Variants in ALDH6A1 observed in about 807,000 individuals in gnomAD.
ALDH6A1 encodes methylmalonate-semialdehyde/malonate-semialdehyde dehydrogenase [acylating], mitochondrial.
Under a neutral mutation model 62.6 loss-of-function variants are expected in ALDH6A1, and 43 were observed. The observed-to-expected ratio is 0.69, with a 90% CI of 0.54 to 0.89. The LOEUF (loss-of-function observed/expected upper bound fraction) is 0.89, where lower values mean the gene tolerates loss of function less well. Among genes scored for constraint, ALDH6A1 ranks in the 40% least tolerant of loss-of-function variants. The pLI is 0.00. For synonymous variants in ALDH6A1, 194 were observed against 234.2 expected (o/e 0.83, Z 1.57); for missense variants, 551 against 661.3 (o/e 0.83, Z 1.83).
At position 74,059,772 on chromosome 14, in the gene ALDH6A1, CTGAAACTTAGTACT is replaced by C. The variant is rs761272121; in HGVS notation, c.*856_*869del. ...TAATTAATGATTGCTGAAGAGAACC[CTGAAACTTAGTACT>C]TGGCACATATAACAAAAAGTTGATT... On this transcript the variant is annotated 3_prime_UTR_variant, in exon 12 of 12. Coordinates refer to ENST00000553458, the MANE Select transcript of ALDH6A1 (RefSeq NM_005589.4). 213 of 160,118 alleles carry C rather than the reference CTGAAACTTAGTACT, an allele frequency of 1.3e-3. 1 individual carries two copies. Among genetic ancestry groups the C allele is most frequent in the Middle Eastern group, 3.2e-3 (1 of 316 alleles). 9.9% of individuals were successfully genotyped at this position (160,118 alleles called of 1,614,324 possible).
intron 6 of ALDH6A1, 124 bp from the exon 7 acceptor site, chr14:74,069,105 T>TA: frequency 2.2e-6 from 2 of 913,952 alleles, no homozygotes; most frequent in South Asian, 2.0e-5. Context: ...CTTTTTCTTT[T>TA]TTTTTTTTTT....
intron 1 of ALDH6A1, among the ~76,000 whole-genome samples, chr14:74,080,194 C>T (rs2060657009): frequency 6.6e-6 from 1 of 152,050 alleles, no homozygotes; most frequent in Admixed American, 6.6e-5. Context: ...ATTCCTCCCT[C>T]TCTCTCTGCA....
chr14:74,068,744 AAAAG>A (rs1292621468), intron 7 of ALDH6A1, 112 bp downstream of exon 7: 75 of 1,302,612 alleles, frequency 5.8e-5, no homozygotes, highest in East Asian at 2.4e-4. Context: ...TGTCTCAAAA[AAAAG>A]AAAGAAACAC....
rs2060241720 is a variant in ALDH6A1, at chr14:74,057,486, T to C, written c.*3156A>G. ...GTGTGCCTCTTTTTGTGTAGAAACC[T>C]ATAGGTTGCCTTTTGAAGTAAACAG... On this transcript the variant is annotated 3_prime_UTR_variant, in exon 12 of 12. Coordinates refer to ENST00000553458, the MANE Select transcript of ALDH6A1 (RefSeq NM_005589.4). The C allele has an allele frequency of 2.1e-6, 3 of 1,420,478 alleles. No homozygotes were observed. The African/African-American group carries it at 4.3e-5, about 20-fold the overall frequency. 88.0% of individuals were successfully genotyped at this position (1,420,478 alleles called of 1,614,324 possible).
chr14:74,084,370 C>A lies in ALDH6A1; in HGVS notation c.25G>T (p.Ala9Ser), dbSNP rs760804268. MAALLAAA[A>S]VRARILQVSS... ...GCCTGCAGGATCCGGGCTCGCACTG[C>A]CGCCGCCGCCAATAGCGCCGCCATG... Residue 9 changes from alanine to serine, a missense_variant, in exon 1 of 12, where the codon GCA becomes TCA. Transcript: ENST00000553458. The A allele has an allele frequency of 2.5e-6, 4 of 1,612,844 alleles. No individual in the cohort carries two copies. The highest frequency in any genetic ancestry group is 3.4e-6 in the Non-Finnish European group (4 of 1,179,748).
intron 5 of ALDH6A1, 102 bp from the exon 6 acceptor site, chr14:74,071,599 A>G: frequency 1.2e-6 from 2 of 1,601,046 alleles, no homozygotes; most frequent in Admixed American, 3.4e-5. Context: ...CAGGCCAATG[A>G]AGGGGTGCAG....
In ALDH6A1 at chr14:74,057,333, G is replaced by C; in HGVS notation, c.*3309C>G. 1 of 1,599,978 alleles carries C rather than the reference G, an allele frequency of 6.3e-7. No homozygotes were observed. Among genetic ancestry groups the C allele is most frequent in the South Asian group, 1.1e-5 (1 of 89,626 alleles). On this transcript the variant is annotated 3_prime_UTR_variant, in exon 12 of 12. Transcript: ENST00000553458. The stretch of plus-strand genomic sequence containing the variant: ...CCATGTCGCTTCTTGCTAAATCACG[G>C]TTATTTTCTCTACTAGTTGAGAGAC...
chr14:74,074,350 G>A (rs1006918169), intron 2 of ALDH6A1, among the ~76,000 whole-genome samples: 1 of 147,670 alleles, frequency 6.8e-6, no homozygotes, highest in African/African-American at 2.5e-5. Flanking sequence ...GCAATGGTGC[G>A]ATCTTGGCTC....
At chr14:74,066,002 G>T (rs1178430010) in intron 9 of ALDH6A1, 6 of 154,882 alleles carry the variant, frequency 3.9e-5, no homozygotes, top group Admixed American at 2.5e-4. Flanking sequence ...AAGGATATAT[G>T]AATTTCAAAA....
At position 74,068,911 on chromosome 14, in the gene ALDH6A1, C is replaced by T; in HGVS notation, c.801G>A (p.Glu267=). 1 of 1,614,032 alleles carries T rather than the reference C, an allele frequency of 6.2e-7. No individual in the cohort carries two copies. Among genetic ancestry groups the T allele is most frequent in the Non-Finnish European group, 8.5e-7 (1 of 1,179,980 alleles). ...GTCTTGATCCTCTCTCGAAGATATACTCTCCTGCCTTGTTGGATCCCACAA... is the reference window on the plus strand; with the variant it reads ...GTCTTGATCCTCTCTCGAAGATATATTCTCCTGCCTTGTTGGATCCCACAA... ...ISFVGSNKAG[E]YIFERGSRHG... Residue 267 remains glutamate, a synonymous_variant, in exon 7 of 12, where the codon GAG becomes GAA. Transcript: ENST00000553458.
At chr14:74,068,764 T>C in intron 7 of ALDH6A1, 96 bp downstream of exon 7, 1 of 1,393,392 alleles carries the variant, frequency 7.2e-7, no homozygotes, top group African/African-American at 1.4e-5. Context: ...AACACTGACA[T>C]TGGAGTGGGA....
In ALDH6A1 at chr14:74,059,586, TA is replaced by T. The variant is rs1041242648; in HGVS notation, c.*1055del. 92 of 266,190 alleles carry T rather than the reference TA, an allele frequency of 3.5e-4. No homozygotes were observed. The highest frequency in any genetic ancestry group is 1.9e-3 in the African/African-American group (82 of 43,548). 16.5% of individuals were successfully genotyped at this position (266,190 alleles called of 1,614,324 possible). The stretch of plus-strand genomic sequence containing the variant: ...GGCGCATGCCTGTAATCCCAGCTAC[TA>T]GGGGGGCTGAGGCAGGAGAATCGCT... On this transcript the variant is annotated 3_prime_UTR_variant, in exon 12 of 12. Coordinates refer to ENST00000553458, the MANE Select transcript of ALDH6A1 (RefSeq NM_005589.4).
rs76405467 is a variant in ALDH6A1 at position 74,071,681 on chromosome 14, G to A, written c.428-184C>T. ...ATTCTCTGAATGGGAAAAATACAGC[G>A]ATATGTATATACCCACTGGAAGATC... On this transcript the variant is annotated intron_variant, in intron 5 of 11. Coordinates refer to ENST00000553458, the MANE Select transcript of ALDH6A1 (RefSeq NM_005589.4). The A allele has an allele frequency of 1.6e-3, 2,351 of 1,505,972 alleles. 5 individuals are homozygous for A. Among genetic ancestry groups the A allele is most frequent in the Middle Eastern group, 5.0e-3 (21 of 4,198 alleles). 93.3% of individuals were successfully genotyped at this position (1,505,972 alleles called of 1,614,324 possible).
In ALDH6A1 at chr14:74,059,249, T is replaced by C. The variant is rs562965721; in HGVS notation, c.*1393A>G. ...AGTTCTTCATTAAACAAATCACTAA[T>C]TAGAAATACAGGCAAGAGAAAAGAA... On this transcript the variant is annotated 3_prime_UTR_variant, in exon 12 of 12. Coordinates refer to ENST00000553458, the MANE Select transcript of ALDH6A1 (RefSeq NM_005589.4). 1 of 352,452 alleles carries C rather than the reference T, an allele frequency of 2.8e-6. No homozygotes were observed. The highest frequency in any genetic ancestry group is 2.2e-5 in the South Asian group (1 of 44,904). 21.8% of individuals were successfully genotyped at this position (352,452 alleles called of 1,614,324 possible). A position where few individuals can be genotyped will look rare whatever the true frequency, so the allele number is the denominator to read the frequency against.
At chr14:74,064,225 G>A (rs7142498) in intron 11 of ALDH6A1, among the ~76,000 whole-genome samples, 4,381 of 151,516 alleles carry the variant, frequency 0.029, 217 homozygotes, top group African/African-American at 0.1. Flanking sequence ...TTGAACCCAG[G>A]AGGCGGAGGT....
Position 74,065,261 on chromosome 14 carries a change from G to A in ALDH6A1, c.1324C>T (p.Pro442Ser), listed in dbSNP as rs777355870. Residue 442 changes from proline (P) to serine (S), a missense_variant, in exon 10 of 12, where the codon CCA (proline) becomes TCA (serine). Coordinates refer to ENST00000553458, the MANE Select transcript of ALDH6A1 (RefSeq NM_005589.4). The part of the protein sequence containing the change: ...DEAIQIVNNN[P>S]YGNGTAIFTT... ...AAGATGGCAGTTCCATTTCCATATG[G>A]GTTGTTATTTACAATCTGGATGGCT... is the stretch of plus-strand genomic sequence containing the variant. The A allele has an allele frequency of 6.2e-7, 1 of 1,614,068 alleles. No individual in the cohort carries two copies. The highest frequency in any genetic ancestry group is 8.5e-7 in the Non-Finnish European group (1 of 1,179,990).
chr14:74,070,473 C>T (rs1342900508), intron 6 of ALDH6A1, among the ~76,000 whole-genome samples: 2 of 151,980 alleles, frequency 1.3e-5, no homozygotes, highest in African/African-American at 2.4e-5. Context: ...GAGCCGAGAT[C>T]GCACCACTGC....
At chr14:74,082,597 A>G (rs149009814) in intron 1 of ALDH6A1, among the ~76,000 whole-genome samples, 1,919 of 152,030 alleles carry the variant, frequency 0.013, 34 homozygotes, top group African/African-American at 0.043. Context: ...AAGGGGTTTT[A>G]CCATGTTGGT....
rs1344109436 is a variant in ALDH6A1, at chr14:74,074,900, C to T, written c.111+55G>A. On this transcript the variant is annotated intron_variant, in intron 2 of 11. Transcript: ENST00000553458. ...ATTATGTAAAGAAGATAGAGATACC[C>T]AAAACTATACTGAATTCCTTCTCAG... The T allele has an allele frequency of 1.9e-6, 3 of 1,565,478 alleles. No homozygotes were observed. In the African/African-American group the frequency reaches 4.1e-5, roughly 21 times the overall value.
Sources: gnomAD v4.1 joint callset for allele counts (sites outside exome capture counted in the v4.1 genomes callset) on GRCh38, gnomAD v4.1.1 for gene constraint, MANE v1.5 for transcripts, NCBI Gene and HGNC (gene_info 2026-07-23, HGNC 2026-07-21) for gene names.